The following KCNH5 variants were observed in gnomAD, a reference collection of about 807,000 sequenced individuals.
The protein encoded by KCNH5 is potassium voltage-gated channel subfamily H member 5, also known as voltage-gated delayed rectifier potassium channel KCNH5.
Under a neutral mutation model 96.1 loss-of-function variants are expected in KCNH5, and 46 were observed. That is an observed-to-expected ratio of 0.48 (90% confidence interval 0.38 to 0.61). The LOEUF (loss-of-function observed/expected upper bound fraction) is 0.61, where lower values mean the gene tolerates loss of function less well. Ranked by LOEUF, KCNH5 falls within the 20% of genes least tolerant of loss-of-function variation. The probability of loss-of-function intolerance (pLI) is 0.00; values close to 1 mark genes in which losing one functional copy is unlikely to be tolerated. For missense variants in KCNH5, 907 were observed against 1,225.8 expected (o/e 0.74, Z 3.88); for synonymous variants, 439 against 449.8 (o/e 0.98, Z 0.30).
chr14:62,750,687 C>T (rs1885478753), intron 10 of KCNH5, among the ~76,000 whole-genome samples: 1 of 152,194 alleles, frequency 6.6e-6, no homozygotes, highest in African/African-American at 2.4e-5. Context: ...CTCAGAGTCC[C>T]TGTTCCTTCT....
At chr14:62,731,355 T>A (rs1341937950) in intron 10 of KCNH5, among the ~76,000 whole-genome samples, 1 of 151,484 alleles carries the variant, frequency 6.6e-6, no homozygotes, top group Non-Finnish European at 1.5e-5. Context: ...AAATTAAAAA[T>A]TAAAAAAATA....
At chr14:62,861,647 C>T (rs1181135965) in intron 7 of KCNH5, among the ~76,000 whole-genome samples, 1 of 119,636 alleles carries the variant, frequency 8.4e-6, no homozygotes, top group East Asian at 3.7e-4. Context: ...TACACACACA[C>T]ACACACACAC....
intron 9 of KCNH5, among the ~76,000 whole-genome samples, chr14:62,789,792 T>G (rs1886393937): frequency 6.6e-6 from 1 of 151,998 alleles, no homozygotes; most frequent in Non-Finnish European, 1.5e-5. Flanking sequence ...TTTCTGCTAT[T>G]GAGTTGTAAG....
At chr14:62,836,857 G>A (rs141852691) in intron 8 of KCNH5, among the ~76,000 whole-genome samples, 157 of 152,242 alleles carry the variant, frequency 1.0e-3, no homozygotes, top group Middle Eastern at 3.4e-3. Context: ...TGGAACATAC[G>A]GGGCATGGAG....
chr14:63,021,912 GCCTTCTTTA>G (rs979622161), intron 1 of KCNH5, among the ~76,000 whole-genome samples: 1 of 152,072 alleles, frequency 6.6e-6, no homozygotes, highest in Non-Finnish European at 1.5e-5. Context: ...ACATTAGAGT[GCCTTCTTTA>G]CCAATAAGTA....
intron 3 of KCNH5, among the ~76,000 whole-genome samples, 180 bp downstream of exon 3, chr14:63,006,186 T>C (rs942933317): frequency 3.3e-5 from 5 of 152,182 alleles, no homozygotes; most frequent in Non-Finnish European, 5.9e-5. Context: ...AAAAGGTTAC[T>C]TTCCATAGGT....
At chr14:62,826,678 A>C (rs111878737) in intron 8 of KCNH5, among the ~76,000 whole-genome samples, 16 of 152,032 alleles carry the variant, frequency 1.1e-4, no homozygotes, top group African/African-American at 3.6e-4. Flanking sequence ...TTACCTACAT[A>C]TAACCCTTAA....
rs534102918 is a variant in KCNH5 at position 62,951,989 on chromosome 14, A to G, written c.943-1430T>C. ...AAAAAAAAAAAAAAAAAAAGTAAACAGTTAAGAATGCATCTGGTTTGTTAT... is the reference window on the plus strand; with the variant it reads ...AAAAAAAAAAAAAAAAAAAGTAAACGGTTAAGAATGCATCTGGTTTGTTAT... On this transcript the variant is annotated intron_variant, in intron 6 of 10. Coordinates refer to ENST00000322893, the MANE Select transcript of KCNH5 (RefSeq NM_139318.5). Among the ~76,000 whole-genome samples, 30 of 150,468 alleles carry G rather than the reference A, an allele frequency of 2.0e-4. No individual in the cohort carries two copies. In the East Asian group the frequency reaches 3.7e-3, roughly 19 times the overall value.
chr14:62,802,926 G>A (rs1356684168), intron 8 of KCNH5, among the ~76,000 whole-genome samples: 1 of 152,168 alleles, frequency 6.6e-6, no homozygotes, highest in Non-Finnish European at 1.5e-5. Context: ...TAGATCACTT[G>A]AGCTCAGTAG....
At chr14:62,740,997 G>A (rs577426672) in intron 10 of KCNH5, among the ~76,000 whole-genome samples, 1 of 152,080 alleles carries the variant, frequency 6.6e-6, no homozygotes, top group African/African-American at 2.4e-5. Context: ...TCACAAACAT[G>A]TGCCTTGATT....
intron 7 of KCNH5, among the ~76,000 whole-genome samples, chr14:62,945,625 A>T (rs185659829): frequency 6.6e-6 from 1 of 152,260 alleles, no homozygotes; most frequent in Admixed American, 6.5e-5. Flanking sequence ...CGTGGTAGGG[A>T]CAATGAAGGG....
intron 7 of KCNH5, among the ~76,000 whole-genome samples, chr14:62,923,799 A>G (rs1204503203): frequency 6.6e-6 from 1 of 152,008 alleles, no homozygotes; most frequent in African/African-American, 2.4e-5. Context: ...TTCATCTCAC[A>G]TCATATCCAA....
chr14:62,849,937 C>T (rs1887771669), intron 7 of KCNH5, 85 bp from the exon 8 acceptor site: 2 of 1,091,128 alleles, frequency 1.8e-6, no homozygotes, highest in Admixed American at 2.0e-5. Flanking sequence ...AATAATTTGA[C>T]AGAGACATCC....
intron 7 of KCNH5, among the ~76,000 whole-genome samples, chr14:62,919,884 A>AG (rs1889347891): frequency 6.6e-6 from 1 of 152,094 alleles, no homozygotes; most frequent in Admixed American, 6.6e-5. Flanking sequence ...CATCAAACCA[A>AG]GCGGGGAGAG....
In KCNH5 at chr14:63,025,919, C is replaced by T. The variant is rs550616702; in HGVS notation, c.74-8965G>A. On this transcript the variant is annotated intron_variant, in intron 1 of 10. Transcript: ENST00000322893. The stretch of plus-strand genomic sequence containing the variant: ...CCCCAATAGCCAAAGTAATTTTGAA[C>T]GAAAAGAACAAAGCCAGAGTCATTA... Among the ~76,000 whole-genome samples, 20 of 151,486 alleles carry T rather than the reference C, an allele frequency of 1.3e-4. No individual in the cohort carries two copies. The South Asian group carries it at 1.7e-3, about 13-fold the overall frequency.
chr14:62,956,529 G>C lies in KCNH5; in HGVS notation c.943-5970C>G, dbSNP rs1235268686. ...TATTTAAACATCAAAAAAATGTTAT[G>C]GAAAACCTAATAGTCACTGATGTGT... is the stretch of plus-strand genomic sequence containing the variant. On this transcript the variant is annotated intron_variant, in intron 6 of 10. Transcript: ENST00000322893. Among the ~76,000 whole-genome samples the C allele has an allele frequency of 2.0e-5, 3 of 149,450 alleles. No homozygotes were observed. The East Asian group carries it at 6.0e-4, about 30-fold the overall frequency.
At chr14:62,768,433 A>G (rs1409094174) in intron 10 of KCNH5, among the ~76,000 whole-genome samples, 3 of 152,178 alleles carry the variant, frequency 2.0e-5, no homozygotes, top group Non-Finnish European at 4.4e-5. Context: ...ATCATTTATT[A>G]ATCATATCAA....
chr14:62,964,974 G>C (rs1455843203), intron 6 of KCNH5, among the ~76,000 whole-genome samples: 1 of 152,076 alleles, frequency 6.6e-6, no homozygotes, highest in African/African-American at 2.4e-5. Flanking sequence ...CAAATGTCTG[G>C]TGCAATTTCT....
Position 62,980,993 on chromosome 14 carries a change from C to G in KCNH5, c.821G>C (p.Gly274Ala), listed in dbSNP as rs1285759036. 6.2e-7 allele frequency: 1 copy of G among 1,614,140 alleles called. No individual in the cohort carries two copies. The highest frequency in any genetic ancestry group is 8.5e-7 in the Non-Finnish European group (1 of 1,180,024). ...CTTAGGGTCAGAAATGACCTCTCCA[C>G]CGGGCCCCACGAAAGTCGTGTGAAA... The part of the protein sequence containing the change: ...LNFHTTFVGP[G>A]GEVISDPKLI... Residue 274 changes from glycine to alanine, a missense_variant, in exon 6 of 11, where the codon GGT becomes GCT. Coordinates refer to ENST00000322893, the MANE Select transcript of KCNH5 (RefSeq NM_139318.5).
Sources: gnomAD v4.1 joint callset for allele counts (sites outside exome capture counted in the v4.1 genomes callset) on GRCh38, gnomAD v4.1.1 for gene constraint, MANE v1.5 for transcripts, NCBI Gene and HGNC (gene_info 2026-07-23, HGNC 2026-07-21) for gene names.